Variants in BOC observed in about 807,000 individuals in gnomAD.
BOC encodes BOC cell adhesion associated, oncogene regulated.
BOC carries 76 observed loss-of-function variants against 112.0 expected under a neutral mutation model. The observed-to-expected ratio is 0.68, with a 90% CI of 0.56 to 0.82. The LOEUF (loss-of-function observed/expected upper bound fraction) is 0.82. BOC is among the 40% of genes least tolerant of loss of function. The probability of loss-of-function intolerance (pLI) is 0.00; values close to 1 mark genes in which losing one functional copy is unlikely to be tolerated. For synonymous variants in BOC, 580 were observed against 599.8 expected (o/e 0.97, Z 0.48); for missense variants, 1,309 against 1,511.7 (o/e 0.87, Z 2.22).
At chr3:113,249,234 G>A (rs539340522) in intron 2 of BOC, among the ~76,000 whole-genome samples, 4 of 152,356 alleles carry the variant, frequency 2.6e-5, no homozygotes, top group African/African-American at 7.2e-5. Context: ...CTGCAAGGGC[G>A]TTCTGTATGC....
In BOC at chr3:113,216,171, TTC is replaced by T. The variant is rs761346393; in HGVS notation, c.-169-12_-169-11del. The T allele has an allele frequency of 5.8e-4, 263 of 451,146 alleles. 5 individuals carry two copies. The highest frequency in any genetic ancestry group is 3.6e-3 in the South Asian group (229 of 63,598). 27.9% of individuals were successfully genotyped at this position (451,146 alleles called of 1,614,324 possible). On this transcript the variant is annotated splice_polypyrimidine_tract_variant and intron_variant, in intron 1 of 19. Coordinates refer to ENST00000682979, the MANE Select transcript of BOC (RefSeq NM_001378074.1). ...TTATTTTGTTCAAAAGATGAGATAA[TTC>T]TCTTTTTCCTCAGTTTCAGAACAAG...
chr3:113,286,537 T>C, intron 19 of BOC, 138 bp from the exon 20 acceptor site: 1 of 772,100 alleles, frequency 1.3e-6, no homozygotes, highest in Non-Finnish European at 2.0e-6. Flanking sequence ...AGTGCCCTTG[T>C]CTCGGTTGTA....
intron 4 of BOC, among the ~76,000 whole-genome samples, chr3:113,263,170 C>T (rs1338370748): frequency 6.6e-6 from 1 of 152,280 alleles, no homozygotes; most frequent in East Asian, 1.9e-4. Context: ...ATAGAATTAT[C>T]CATCAGTCCA....
intron 4 of BOC, among the ~76,000 whole-genome samples, chr3:113,258,392 T>C (rs1386491433): frequency 6.6e-6 from 1 of 152,198 alleles, no homozygotes; most frequent in African/African-American, 2.4e-5. Flanking sequence ...GCTCACCCCA[T>C]TTCTTAACTG....
chr3:113,280,777 C>A, intron 14 of BOC, 114 bp downstream of exon 14: 2 of 945,526 alleles, frequency 2.1e-6, no homozygotes, highest in Non-Finnish European at 3.4e-6. Context: ...TGGTGTGACA[C>A]GAAGCTCTAA....
intron 2 of BOC, among the ~76,000 whole-genome samples, chr3:113,241,796 G>A (rs1476189910): frequency 6.6e-6 from 1 of 152,154 alleles, no homozygotes; most frequent in Non-Finnish European, 1.5e-5. Context: ...GAAGGCCAGT[G>A]GCTTGACTGG....
At position 113,220,478 on chromosome 3, in the gene BOC, G is replaced by A. The variant is rs917007391; in HGVS notation, c.-82+4204G>A. Among the ~76,000 whole-genome samples, 6 of 152,116 alleles carry A rather than the reference G, an allele frequency of 3.9e-5. No individual in the cohort carries two copies. The East Asian group carries it at 5.8e-4, about 15-fold the overall frequency. On this transcript the variant is annotated intron_variant, in intron 2 of 19. Transcript: ENST00000682979. ...CCCTGTTTTTATATGCTGCCTACTC[G>A]AACATTATGAGGAAGCAGTGAAATG... is the stretch of plus-strand genomic sequence containing the variant.
chr3:113,278,688 C>T lies in BOC; in HGVS notation c.1721C>T (p.Pro574Leu), dbSNP rs1443328742. ...VTFRTGRRPK[P>L]EIMASKEQQI... ...TTCCACCCAGGACGGCGGCCCAAAC[C>T]CGAGATCATGGCCAGCAAAGAGCAG... is the stretch of plus-strand genomic sequence containing the variant. Residue 574 changes from proline to leucine, a missense_variant, in exon 11 of 20, where the codon CCC (proline) becomes CTC (leucine). Physicochemically the swap from Pro to Leu is moderately conservative, Grantham distance 98 (BLOSUM62 -3). Transcript: ENST00000682979. The surrounding 1 kb of genome is among the most constrained non-coding windows in gnomAD (Gnocchi z 4.2). 1.3e-6 allele frequency: 2 copies of T among 1,564,636 alleles called. No homozygotes were observed. The highest frequency in any genetic ancestry group is 1.7e-6 in the Non-Finnish European group (2 of 1,154,118).
rs138303143 is a variant in BOC, at chr3:113,279,422, C to A, written c.1990C>A (p.Arg664=). Reference sequence around the variant, plus strand: ...GGCCACCAGCGCCATCCCCCCATCGCGGCTGTCCGTGGAGATCACGGGCCT... The same window carrying A: ...GGCCACCAGCGCCATCCCCCCATCGAGGCTGTCCGTGGAGATCACGGGCCT... ...ILATSAIPPS[R]LSVEITGLEK... Residue 664 remains arginine (R), a synonymous_variant, in exon 12 of 20, where the codon CGG becomes AGG. Transcript: ENST00000682979. 1 of 1,614,022 alleles carries A rather than the reference C, an allele frequency of 6.2e-7. No homozygotes were observed. The highest frequency in any genetic ancestry group is 2.2e-5 in the East Asian group (1 of 44,886).
intron 4 of BOC, among the ~76,000 whole-genome samples, chr3:113,252,662 G>A (rs1258884330): frequency 6.6e-6 from 1 of 152,188 alleles, no homozygotes; most frequent in Non-Finnish European, 1.5e-5. Context: ...GTCAAGCAAG[G>A]CCTGCCCTTT....
chr3:113,232,744 G>A (rs1280501067), intron 2 of BOC, among the ~76,000 whole-genome samples: 2 of 152,236 alleles, frequency 1.3e-5, no homozygotes, highest in Non-Finnish European at 2.9e-5. Context: ...TCTGCAGTAA[G>A]CATTAGACTA....
chr3:113,236,151 A>T (rs1943403757), intron 2 of BOC, among the ~76,000 whole-genome samples: 1 of 150,058 alleles, frequency 6.7e-6, no homozygotes, highest in South Asian at 2.2e-4. Context: ...TAGCAAAGAT[A>T]TGGAATCAAC....
intron 2 of BOC, among the ~76,000 whole-genome samples, chr3:113,232,925 T>G (rs1942857744): frequency 6.6e-6 from 1 of 152,206 alleles, no homozygotes; most frequent in Admixed American, 6.5e-5. Flanking sequence ...TGTGCCAAAC[T>G]GTTCCTTTTA....
chr3:113,284,063 C>G (rs1031605984), intron 16 of BOC, among the ~76,000 whole-genome samples: 1 of 152,106 alleles, frequency 6.6e-6, no homozygotes, highest in Non-Finnish European at 1.5e-5. Flanking sequence ...AAATATTGTT[C>G]TTCTTTTCAC....
intron 2 of BOC, among the ~76,000 whole-genome samples, chr3:113,225,429 C>G (rs1941504837): frequency 6.6e-6 from 1 of 152,178 alleles, no homozygotes; most frequent in African/African-American, 2.4e-5. Flanking sequence ...AGAAAGTCAG[C>G]TTTTGGACTA....
chr3:113,212,237 A>G (rs1302076894), intron 1 of BOC: 1 of 151,120 alleles, frequency 6.6e-6, no homozygotes, highest in African/African-American at 2.4e-5. Context: ...CGGGCGAAGA[A>G]GTTGGGGCGA....
chr3:113,286,307 T>C (rs1949687808), intron 19 of BOC, among the ~76,000 whole-genome samples: 1 of 152,022 alleles, frequency 6.6e-6, no homozygotes, highest in South Asian at 2.1e-4. Context: ...GGGACTGGAT[T>C]GTGAGTGGGA....
At chr3:113,283,690 A>C (rs1949402792) in intron 16 of BOC, 58 bp downstream of exon 16, 1 of 1,503,354 alleles carries the variant, frequency 6.7e-7, no homozygotes, top group East Asian at 2.3e-5. Flanking sequence ...GGCTCCACTA[A>C]GGAGGCCTCT....
intron 2 of BOC, among the ~76,000 whole-genome samples, chr3:113,236,012 C>G (rs1943382955): frequency 6.6e-6 from 1 of 151,382 alleles, no homozygotes. Flanking sequence ...GGAGATTTCT[C>G]AAAGAACTGA....
Sources: gnomAD v4.1 joint callset for allele counts (sites outside exome capture counted in the v4.1 genomes callset) on GRCh38, gnomAD v4.1.1 for gene constraint, Gnocchi (gnomAD v3.1) non-coding constraint, MANE v1.5 for transcripts, NCBI Gene and HGNC (gene_info 2026-07-23, HGNC 2026-07-21) for gene names.